The following USP54 variants were observed in gnomAD, a reference collection of about 807,000 sequenced individuals.
USP54 encodes ubiquitin specific peptidase 54, also known as ubiquitin carboxyl-terminal hydrolase 54.
A neutral mutation model predicts 170.5 loss-of-function variants in USP54; 87 were observed. That is an observed-to-expected ratio of 0.51 (90% confidence interval 0.43 to 0.61). USP54 has a LOEUF of 0.61. Among genes scored for constraint, USP54 ranks in the 20% least tolerant of loss-of-function variants. USP54 has a pLI of 0.00. For missense variants in USP54, 1,786 were observed against 2,047.8 expected, an observed-to-expected ratio of 0.87 and a Z score of 2.47; for synonymous variants, 655 against 742.8, an observed-to-expected ratio of 0.88 and a Z score of 1.92.
At chr10:73,514,130 G>A (rs1329818389) in intron 20 of USP54, among the ~76,000 whole-genome samples, 2 of 152,136 alleles carry the variant, frequency 1.3e-5, no homozygotes, top group East Asian at 3.9e-4. Context: ...TTTTTTGTGT[G>A]TATTTTTAGT....
chr10:73,596,420 G>T (rs968460290), intron 1 of USP54, among the ~76,000 whole-genome samples: 1 of 151,896 alleles, frequency 6.6e-6, no homozygotes, highest in African/African-American at 2.4e-5. Context: ...TTAGCCAGGC[G>T]TAGTGGCGGG....
intron 1 of USP54, among the ~76,000 whole-genome samples, chr10:73,611,973 C>T (rs1276588757): frequency 2.0e-5 from 3 of 149,938 alleles, no homozygotes; most frequent in East Asian, 2.0e-4. Context: ...TAGCCAGGCA[C>T]GGTGGTATGC....
At chr10:73,539,806 G>A (rs751940579) in intron 9 of USP54, among the ~76,000 whole-genome samples, 5 of 152,144 alleles carry the variant, frequency 3.3e-5, no homozygotes, top group African/African-American at 4.8e-5. Context: ...ACAAGAGTTC[G>A]AGAACAACCT....
At chr10:73,540,320 C>T (rs1338062395) in intron 9 of USP54, among the ~76,000 whole-genome samples, 1 of 150,710 alleles carries the variant, frequency 6.6e-6, no homozygotes, top group African/African-American at 2.4e-5. Context: ...CCTGTAATCC[C>T]AGCACTTTTG....
chr10:73,506,267 T>G (rs1337387978), intron 20 of USP54: 2 of 152,242 alleles, frequency 1.3e-5, no homozygotes, highest in African/African-American at 4.8e-5. Flanking sequence ...GAGCAGGAGC[T>G]CCTCAGGAAT....
At chr10:73,625,887 C>T (rs183209489), upstream of USP54, 107 of 152,004 alleles carry the variant, frequency 7.0e-4, no homozygotes, top group African/African-American at 2.5e-3. Flanking sequence ...GGCGCTACCC[C>T]CTGCACCCCG....
At chr10:73,520,137 C>G in intron 18 of USP54, 145 bp from the exon 19 acceptor site, 1 of 1,142,598 alleles carries the variant, frequency 8.8e-7, no homozygotes. Flanking sequence ...CATGCATATG[C>G]TGTCCAGGGC....
chr10:73,524,233 T>A (rs2062448720), intron 16 of USP54, among the ~76,000 whole-genome samples: 1 of 151,934 alleles, frequency 6.6e-6, no homozygotes. Flanking sequence ...ATATTTTGGA[T>A]AATGCTTTCC....
chr10:73,601,349 A>C (rs2079150465), intron 1 of USP54, among the ~76,000 whole-genome samples: 1 of 152,172 alleles, frequency 6.6e-6, no homozygotes, highest in South Asian at 2.1e-4. Context: ...CCTCAAAAAG[A>C]AGCAGTAGAA....
At chr10:73,587,552 A>G (rs1445156727) in intron 1 of USP54, among the ~76,000 whole-genome samples, 1 of 152,142 alleles carries the variant, frequency 6.6e-6, no homozygotes, top group African/African-American at 2.4e-5. Context: ...TTTAGTGGAG[A>G]TCCAAAGGGT....
At chr10:73,568,720 A>AG (rs1263878015) in intron 4 of USP54, among the ~76,000 whole-genome samples, 3 of 152,200 alleles carry the variant, frequency 2.0e-5, no homozygotes, top group Non-Finnish European at 4.4e-5. Flanking sequence ...ACACATCCCC[A>AG]GAGTTATGAA....
intron 4 of USP54, among the ~76,000 whole-genome samples, chr10:73,548,035 GA>G (rs904208486): frequency 1.2e-4 from 17 of 147,166 alleles, no homozygotes; most frequent in South Asian, 2.2e-4. Context: ...AAATTTACAA[GA>G]AAAAAAAAAT....
rs529970443 is a variant in USP54 at position 73,588,197 on chromosome 10, T to C, written c.-582+3081A>G. Among the ~76,000 whole-genome samples, 9 of 152,174 alleles carry C rather than the reference T, an allele frequency of 5.9e-5. No homozygotes were observed. In the South Asian group the frequency reaches 8.3e-4, roughly 14 times the overall value. On this transcript the variant is annotated intron_variant, in intron 1 of 23. Transcript: ENST00000687698. ...TGTATCCTTTTTTTTTTCTTAAATG[T>C]ATCCTTTGTTGTTGTTGTTTTTTGT...
intron 17 of USP54, among the ~76,000 whole-genome samples, chr10:73,521,521 G>A (rs1265256003): frequency 6.6e-6 from 1 of 152,080 alleles, no homozygotes; most frequent in Non-Finnish European, 1.5e-5. Flanking sequence ...ATTATTCTGT[G>A]GACAGCCATT....
intron 1 of USP54, among the ~76,000 whole-genome samples, chr10:73,579,384 A>C (rs1254125646): frequency 2.0e-5 from 3 of 152,226 alleles, no homozygotes; most frequent in Non-Finnish European, 2.9e-5. Flanking sequence ...GATTAAAAGA[A>C]AATATTTGCA....
rs2063695013 is a variant in USP54, at chr10:73,530,106, A to G, written c.1828+37T>C. ...TTTTAAAAAGACATAAATCAACTTTATTCAAAAGCCCAATTCTTCCCTAAT... is the reference window on the plus strand; with the variant it reads ...TTTTAAAAAGACATAAATCAACTTTGTTCAAAAGCCCAATTCTTCCCTAAT... On this transcript the variant is annotated intron_variant, in intron 14 of 23. Transcript: ENST00000687698. The G allele has an allele frequency of 1.9e-6, 3 of 1,556,618 alleles. No homozygotes were observed. The Admixed American group carries it at 6.1e-5, about 32-fold the overall frequency.
At chr10:73,507,184 G>A (rs2059285203) in intron 20 of USP54, 2 of 151,674 alleles carry the variant, frequency 1.3e-5, no homozygotes, top group South Asian at 2.1e-4. Flanking sequence ...TGTATAAACA[G>A]AAAATACAGT....
chr10:73,498,552 G>C lies in USP54; in HGVS notation c.*77C>G. On this transcript the variant is annotated 3_prime_UTR_variant, in exon 24 of 24. Coordinates refer to ENST00000687698, the MANE Select transcript of USP54 (RefSeq NM_001391956.1). The stretch of plus-strand genomic sequence containing the variant: ...GCCTCCCAAAGTGCTGGGATTACAG[G>C]TGTGAGCCACCGCGCCCGGCCCACA... The C allele has an allele frequency of 7.1e-7, 1 of 1,417,266 alleles. No homozygotes were observed. Among genetic ancestry groups the C allele is most frequent in the Non-Finnish European group, 9.5e-7 (1 of 1,057,440 alleles). 87.8% of individuals were successfully genotyped at this position (1,417,266 alleles called of 1,614,324 possible).
At chr10:73,536,247 G>C (rs2065196220) in intron 11 of USP54, 22 bp downstream of exon 11, 1 of 1,612,954 alleles carries the variant, frequency 6.2e-7, no homozygotes, top group South Asian at 1.1e-5. Flanking sequence ...AGAGAGGAGA[G>C]GTAAAGAGCC....
Sources: allele counts gnomAD v4.1 joint callset (sites outside exome capture counted in the v4.1 genomes callset), GRCh38; gene constraint gnomAD v4.1.1; transcripts MANE v1.5; gene names NCBI Gene and HGNC (gene_info 2026-07-23, HGNC 2026-07-21).